DGCR6L: variants seen among roughly 807,000 people sequenced by gnomAD.
DGCR6L encodes the protein DiGeorge syndrome critical region gene 6 like.
Under a neutral mutation model 31.1 loss-of-function variants are expected in DGCR6L, and 24 were observed. The observed-to-expected ratio is 0.77, with a 90% CI of 0.56 to 1.08. The LOEUF (loss-of-function observed/expected upper bound fraction) is 1.08, where lower values mean the gene tolerates loss of function less well. Among genes scored for constraint, DGCR6L ranks in the 50% least tolerant of loss-of-function variants. The pLI is 0.00. For synonymous variants in DGCR6L, 104 were observed against 126.1 expected (o/e 0.82, Z 1.17); for missense variants, 218 against 287.1 (o/e 0.76, Z 1.74).
intron 1 of DGCR6L, 24 bp downstream of exon 1, chr22:20,319,855 C>T: frequency 6.3e-7 from 1 of 1,591,778 alleles, no homozygotes; most frequent in Non-Finnish European, 8.5e-7. Context: ...CCTCCGCAGG[C>T]CTCCGCCCGC....
In DGCR6L at chr22:20,314,734, C is replaced by A. The variant is rs879561869; in HGVS notation, c.604G>T (p.Gly202Cys). The A allele has an allele frequency of 3.1e-6, 5 of 1,611,916 alleles. No homozygotes were observed. The highest frequency in any genetic ancestry group is 2.2e-5 in the South Asian group (2 of 90,990). ...TGGGCAGCAGGCGACTGCCAGGGAC[C>A]TCCCAGTCCCAGGGCTGCATTCCCT... The part of the protein sequence containing the change: ...RAGNAALGLG[G>C]PWQSPAAQCD... The change falls in exon 5 of 5, where the codon GGT becomes TGT. Residue 202 changes from glycine to cysteine, a missense_variant. Physicochemically the swap from Gly to Cys is radical, Grantham distance 159. Coordinates refer to ENST00000248879, the MANE Select transcript of DGCR6L (RefSeq NM_033257.4).
At chr22:20,318,813 C>T (rs1461773629) in intron 2 of DGCR6L, 1 of 152,172 alleles carries the variant, frequency 6.6e-6, no homozygotes, top group Non-Finnish European at 1.5e-5. Context: ...AAGACAGCAT[C>T]TCACCAAAAA....
intron 2 of DGCR6L, among the ~76,000 whole-genome samples, chr22:20,319,040 G>A (rs1208746176): frequency 6.6e-6 from 1 of 152,198 alleles, no homozygotes; most frequent in Non-Finnish European, 1.5e-5. Flanking sequence ...TCTAAAATAA[G>A]AAGTTTGGGA....
At chr22:20,316,673 G>A (rs1403623959) in intron 2 of DGCR6L, among the ~76,000 whole-genome samples, 1 of 152,228 alleles carries the variant, frequency 6.6e-6, no homozygotes, top group African/African-American at 2.4e-5. Context: ...CCTACCAGGG[G>A]TGTGGTCGGG....
Position 20,316,239 on chromosome 22 carries a change from G to A in DGCR6L, c.272-20C>T, listed in dbSNP as rs375484747. On this transcript the variant is annotated intron_variant, in intron 2 of 4. Transcript: ENST00000248879. ...TGAGCACTGGGAGGGATGAGAGCCC[G>A]TCAGCAGGCGGTGGGACTCGGCAGC... is the stretch of plus-strand genomic sequence containing the variant. 1.8e-4 allele frequency: 287 copies of A among 1,582,252 alleles called. No individual in the cohort carries two copies. Among genetic ancestry groups the A allele is most frequent in the Non-Finnish European group, 2.3e-4 (271 of 1,166,070 alleles).
At position 20,320,018 on chromosome 22, in the gene DGCR6L, G is replaced by A. The variant is rs576218678; in HGVS notation, c.-30C>T. On this transcript the variant is annotated 5_prime_UTR_variant, in exon 1 of 5. Transcript: ENST00000248879. Reference sequence around the variant, plus strand: ...CGGACGCCCGCTAGCCGCCGGCGGCGGCGACGAGCTCCCCCAGCTTCACGA... The same window carrying A: ...CGGACGCCCGCTAGCCGCCGGCGGCAGCGACGAGCTCCCCCAGCTTCACGA... 3.0e-5 allele frequency: 46 copies of A among 1,517,988 alleles called. No homozygotes were observed. The South Asian group carries it at 5.1e-4, about 17-fold the overall frequency. The allele number at this position is 1,517,988 out of a possible 1,614,324, so 94.0% of individuals were successfully genotyped here.
chr22:20,315,215 TCA>T (rs1298871472), intron 4 of DGCR6L, 119 bp downstream of exon 4: 1 of 1,536,402 alleles, frequency 6.5e-7, no homozygotes, highest in East Asian at 2.4e-5. Context: ...TTCCAGAGCC[TCA>T]ATCCTTCCAC....
intron 2 of DGCR6L, chr22:20,318,438 T>C (rs1296724172): frequency 6.7e-6 from 1 of 149,846 alleles, no homozygotes; most frequent in Non-Finnish European, 1.5e-5. Context: ...GGGCATTCTA[T>C]AAAATTAGAA....
chr22:20,316,774 G>A (rs1190446809), intron 2 of DGCR6L, among the ~76,000 whole-genome samples: 2 of 152,234 alleles, frequency 1.3e-5, no homozygotes, highest in Admixed American at 6.5e-5. Context: ...GGAGAAGGGT[G>A]GGCAGACCTG....
rs2051582900 is a variant in DGCR6L, at chr22:20,318,044, C to A, written c.271+1595G>T. 7 of 206,056 alleles carry A rather than the reference C, an allele frequency of 3.4e-5. No individual in the cohort carries two copies. In the South Asian group the frequency reaches 4.5e-4, roughly 13 times the overall value. 12.8% of individuals were successfully genotyped at this position (206,056 alleles called of 1,614,324 possible). A position where few individuals can be genotyped will look rare whatever the true frequency, so the allele number is the denominator to read the frequency against. On this transcript the variant is annotated intron_variant, in intron 2 of 4. Transcript: ENST00000248879. ...GACCACAGTTTATCATGAACATAGACCAAAAAATTCTTAAGATTTTAGCAA... is the reference window on the plus strand; with the variant it reads ...GACCACAGTTTATCATGAACATAGAACAAAAAATTCTTAAGATTTTAGCAA...
At chr22:20,316,384 G>A (rs1255883761) in intron 2 of DGCR6L, among the ~76,000 whole-genome samples, 165 bp from the exon 3 acceptor site, 2 of 152,214 alleles carry the variant, frequency 1.3e-5, no homozygotes, top group Admixed American at 6.5e-5. Context: ...ACCCAGGGCC[G>A]GGCCCTTATC....
In DGCR6L at chr22:20,319,814, G is replaced by T; in HGVS notation, c.111-15C>A. ...GCTGGAAAGAGCTGCGGGTAGGGGGGCGCGGTGAGCCCCGGCGGGAAACGA... is the reference window on the plus strand; with the variant it reads ...GCTGGAAAGAGCTGCGGGTAGGGGGTCGCGGTGAGCCCCGGCGGGAAACGA... On this transcript the variant is annotated splice_polypyrimidine_tract_variant and intron_variant, in intron 1 of 4. Coordinates refer to ENST00000248879, the MANE Select transcript of DGCR6L (RefSeq NM_033257.4). The T allele has an allele frequency of 6.2e-7, 1 of 1,604,518 alleles. No individual in the cohort carries two copies. Among genetic ancestry groups the T allele is most frequent in the Non-Finnish European group, 8.5e-7 (1 of 1,176,012 alleles).
intron 2 of DGCR6L, among the ~76,000 whole-genome samples, chr22:20,317,817 C>T (rs1295329238): frequency 6.6e-6 from 1 of 152,236 alleles, no homozygotes; most frequent in African/African-American, 2.4e-5. Context: ...GAGCCATGCG[C>T]TTGGGATTAG....
At chr22:20,315,610 A>G (rs1423005262) in intron 3 of DGCR6L, 134 bp from the exon 4 acceptor site, 1 of 1,374,798 alleles carries the variant, frequency 7.3e-7, no homozygotes, top group Non-Finnish European at 9.8e-7. Flanking sequence ...CCACCGGTGC[A>G]TCCTCACCAC....
At chr22:20,315,127 C>G in intron 4 of DGCR6L, 1 of 1,293,580 alleles carries the variant, frequency 7.7e-7, no homozygotes, top group Non-Finnish European at 1.1e-6. Context: ...AGAGGGTGGG[C>G]AGTGCCCATG....
chr22:20,317,633 A>G (rs1469086408), intron 2 of DGCR6L, among the ~76,000 whole-genome samples: 2 of 152,256 alleles, frequency 1.3e-5, no homozygotes, highest in African/African-American at 2.4e-5. Context: ...AGCTCTGTGG[A>G]AAAATGGCCG....
intron 3 of DGCR6L, 130 bp downstream of exon 3, chr22:20,315,989 G>C: frequency 9.0e-7 from 1 of 1,115,790 alleles, no homozygotes. Flanking sequence ...TAGGCCTCCA[G>C]TGTCCCACTC....
chr22:20,317,223 A>T (rs1391645471), intron 2 of DGCR6L, among the ~76,000 whole-genome samples: 1 of 152,164 alleles, frequency 6.6e-6, no homozygotes, highest in Non-Finnish European at 1.5e-5. Context: ...GTCTCTTCAC[A>T]TTCTGTACAC....
In DGCR6L at chr22:20,319,971, G is replaced by C; in HGVS notation, c.18C>G (p.Ala6=). The C allele has an allele frequency of 6.3e-7, 1 of 1,599,126 alleles. No homozygotes were observed. The highest frequency in any genetic ancestry group is 1.3e-5 in the African/African-American group (1 of 74,768). MERYA[A]ALEEVADGAR... is the part of the protein sequence containing the mutation. The stretch of plus-strand genomic sequence containing the variant: ...CACCGTCCGCCACCTCCTCCAAGGC[G>C]GCCGCGTAGCGCTCCATGGCGCGGA... The change falls in exon 1 of 5, where the codon GCC becomes GCG. Residue 6 remains alanine (A), a synonymous_variant. Coordinates refer to ENST00000248879, the MANE Select transcript of DGCR6L (RefSeq NM_033257.4).
Sources: gnomAD v4.1 joint callset for allele counts (sites outside exome capture counted in the v4.1 genomes callset) on GRCh38, gnomAD v4.1.1 for gene constraint, MANE v1.5 for transcripts, NCBI Gene and HGNC (gene_info 2026-07-23, HGNC 2026-07-21) for gene names.